TRPC4: variants seen among roughly 807,000 people sequenced by gnomAD.
TRPC4 encodes the protein transient receptor potential cation channel subfamily C member 4.
In TRPC4, 49 loss-of-function variants were observed where a neutral mutation model predicts 99.4. The observed-to-expected ratio is 0.49, with a 90% CI of 0.39 to 0.63. The LOEUF is 0.63. TRPC4 is among the 20% of genes least tolerant of loss of function. TRPC4 has a pLI of 0.00. For synonymous variants in TRPC4, 454 were observed against 425.9 expected (o/e 1.07, Z -0.81); for missense variants, 898 against 1,152.9 (o/e 0.78, Z 3.20).
chr13:37,664,192 C>T (rs1347765926), intron 5 of TRPC4, among the ~76,000 whole-genome samples: 1 of 152,088 alleles, frequency 6.6e-6, no homozygotes, highest in Admixed American at 6.5e-5. Flanking sequence ...ATTAAAATGT[C>T]AGATTTGAAT....
In TRPC4 at chr13:37,688,341, C is replaced by T. The variant is rs190064114; in HGVS notation, c.1234+3658G>A. Among the ~76,000 whole-genome samples the T allele has an allele frequency of 1.2e-4, 19 of 152,222 alleles. No homozygotes were observed. In the East Asian group the frequency reaches 3.7e-3, roughly 29 times the overall value. ...AAGAAAGATACTGAAATAACAGAAACCTTATTCTGCCATTGTACTGAAACA... is the reference window on the plus strand; with the variant it reads ...AAGAAAGATACTGAAATAACAGAAATCTTATTCTGCCATTGTACTGAAACA... On this transcript the variant is annotated intron_variant, in intron 4 of 10. Transcript: ENST00000379705.
chr13:37,644,694 C>T (rs1409621185), intron 8 of TRPC4, among the ~76,000 whole-genome samples: 1 of 151,782 alleles, frequency 6.6e-6, no homozygotes, highest in African/African-American at 2.4e-5. Flanking sequence ...CACGGTGAAA[C>T]TCCGTCTCTA....
chr13:37,817,226 C>T lies in TRPC4; in HGVS notation c.-27-33866G>A, dbSNP rs185848845. ...ATTTGCTAACATTCCCATAAACAAA[C>T]AACAGTCAAGCTGAGAGCAAAATCA... On this transcript the variant is annotated intron_variant, in intron 1 of 10. Transcript: ENST00000379705. Among the ~76,000 whole-genome samples the T allele has an allele frequency of 2.6e-5, 4 of 152,008 alleles. No individual in the cohort carries two copies. The East Asian group carries it at 5.8e-4, about 22-fold the overall frequency.
At chr13:37,757,535 G>T (rs1956126435) in intron 2 of TRPC4, among the ~76,000 whole-genome samples, 1 of 151,948 alleles carries the variant, frequency 6.6e-6, no homozygotes, top group Non-Finnish European at 1.5e-5. Flanking sequence ...GGAAAGGAAT[G>T]TATGATATTT....
chr13:37,781,804 G>C (rs934707427), intron 2 of TRPC4, among the ~76,000 whole-genome samples: 7 of 151,970 alleles, frequency 4.6e-5, no homozygotes, highest in South Asian at 2.1e-4. Context: ...ATAAAAAAGG[G>C]ACCATAAAAA....
intron 3 of TRPC4, among the ~76,000 whole-genome samples, chr13:37,694,020 A>C (rs139358167): frequency 5.9e-5 from 9 of 152,198 alleles, no homozygotes; most frequent in Non-Finnish European, 1.0e-4. Flanking sequence ...GTTTTTGCTT[A>C]TATAACTGTA....
At position 37,663,744 on chromosome 13, in the gene TRPC4, GAAACAAAGGGAAAGTA is replaced by G. The variant is rs1952538025; in HGVS notation, c.1375-31_1375-16del. 1.3e-6 allele frequency: 2 copies of G among 1,580,688 alleles called. No homozygotes were observed. The highest frequency in any genetic ancestry group is 4.5e-5 in the East Asian group (2 of 44,498). ...AGGGCACTGTACTGGAAAAAACAGA[GAAACAAAGGGAAAGTA>G]AAACAAACACACGCATATAAATAGA... On this transcript the variant is annotated splice_polypyrimidine_tract_variant and intron_variant, in intron 5 of 10. Coordinates refer to ENST00000379705, the MANE Select transcript of TRPC4 (RefSeq NM_016179.4).
intron 1 of TRPC4, among the ~76,000 whole-genome samples, chr13:37,851,727 A>C (rs555686382): frequency 6.6e-6 from 1 of 152,320 alleles, no homozygotes; most frequent in African/African-American, 2.4e-5. Context: ...TCATTGAAAG[A>C]GGCATTGAGG....
At chr13:37,688,198 C>A (rs772107634) in intron 4 of TRPC4, among the ~76,000 whole-genome samples, 1 of 152,260 alleles carries the variant, frequency 6.6e-6, no homozygotes, top group Non-Finnish European at 1.5e-5. Context: ...CTTTGTTGGG[C>A]GGTGAGTTCC....
chr13:37,702,571 T>C (rs2138940876), intron 3 of TRPC4, among the ~76,000 whole-genome samples: 1 of 152,290 alleles, frequency 6.6e-6, no homozygotes, highest in South Asian at 2.1e-4. Flanking sequence ...CAGTGGTGAA[T>C]TGTGGCATTA....
intron 2 of TRPC4, among the ~76,000 whole-genome samples, chr13:37,772,201 T>C (rs17056623): frequency 0.11 from 17,365 of 151,724 alleles, 1,628 homozygotes; most frequent in African/African-American, 0.26. Context: ...ACAGTTAGTG[T>C]ATGGAAAGGA....
At chr13:37,752,976 CCACACACACACACACG>C (rs1403630419) in intron 2 of TRPC4, among the ~76,000 whole-genome samples, 1 of 150,450 alleles carries the variant, frequency 6.6e-6, no homozygotes, top group Non-Finnish European at 1.5e-5. Flanking sequence ...CTTTCTCCCT[CCACACACACACACACG>C]CACACACACA....
chr13:37,861,623 G>T lies in TRPC4; in HGVS notation c.-28+7972C>A, dbSNP rs777512560. On this transcript the variant is annotated intron_variant, in intron 1 of 10. Transcript: ENST00000379705. ...TAAAGCTTCTTTTATTCATGAAAGG[G>T]CAAAATCATTTGCTGGTTCACTTTG... 2.0e-5 allele frequency among the ~76,000 whole-genome samples: 3 copies of T among 151,590 alleles called. No individual in the cohort carries two copies. The East Asian group carries it at 5.8e-4, about 29-fold the overall frequency.
chr13:37,760,839 G>A (rs1956204178), intron 2 of TRPC4, among the ~76,000 whole-genome samples: 1 of 151,926 alleles, frequency 6.6e-6, no homozygotes, highest in African/African-American at 2.4e-5. Context: ...AGTTAGTGAT[G>A]CATCCAGTAT....
At chr13:37,846,027 G>A (rs1593308714) in intron 1 of TRPC4, among the ~76,000 whole-genome samples, 1 of 152,088 alleles carries the variant, frequency 6.6e-6, no homozygotes, top group African/African-American at 2.4e-5. Context: ...TATATTAATA[G>A]TGCTGAAGGA....
intron 1 of TRPC4, among the ~76,000 whole-genome samples, chr13:37,810,148 G>T (rs964472083): frequency 6.6e-6 from 1 of 151,982 alleles, no homozygotes; most frequent in Admixed American, 6.6e-5. Flanking sequence ...CATGCTAGAA[G>T]TATTTCTGCT....
intron 3 of TRPC4, among the ~76,000 whole-genome samples, chr13:37,696,254 G>A (rs201731399): frequency 2.6e-5 from 4 of 152,192 alleles, no homozygotes; most frequent in East Asian, 1.9e-4. Flanking sequence ...ATCTCCCACC[G>A]GGTCTCTCCC....
intron 2 of TRPC4, among the ~76,000 whole-genome samples, chr13:37,776,748 A>G (rs935522362): frequency 1.3e-5 from 2 of 151,948 alleles, no homozygotes; most frequent in East Asian, 1.9e-4. Context: ...CCAAAGCCCA[A>G]TGTGGAAAAC....
At chr13:37,815,827 G>A (rs1957837780) in intron 1 of TRPC4, among the ~76,000 whole-genome samples, 1 of 151,572 alleles carries the variant, frequency 6.6e-6, no homozygotes, top group Non-Finnish European at 1.5e-5. Flanking sequence ...CTTCTCATAT[G>A]CATGTGATAC....
Sources: allele counts gnomAD v4.1 joint callset (sites outside exome capture counted in the v4.1 genomes callset), GRCh38; gene constraint gnomAD v4.1.1; transcripts MANE v1.5; gene names NCBI Gene and HGNC (gene_info 2026-07-23, HGNC 2026-07-21).